The following INPP4B variants were observed in gnomAD, a reference collection of about 807,000 sequenced individuals.
INPP4B encodes the protein inositol polyphosphate-4-phosphatase type II B.
INPP4B carries 55 observed loss-of-function variants against 122.5 expected under a neutral mutation model. The ratio of observed to expected loss-of-function variants is 0.45; its 90% confidence interval spans 0.36 to 0.56. The LOEUF is 0.56. INPP4B is among the 20% of genes least tolerant of loss of function. The pLI, the probability that INPP4B is intolerant of heterozygous loss-of-function variation, is 0.00. For missense variants in INPP4B, 1,000 were observed against 1,097.7 expected (o/e 0.91, Z 1.26); for synonymous variants, 403 against 388.7 (o/e 1.04, Z -0.43).
intron 2 of INPP4B, among the ~76,000 whole-genome samples, chr4:142,614,512 G>A (rs1743277363): frequency 6.6e-6 from 1 of 151,952 alleles, no homozygotes; most frequent in African/African-American, 2.4e-5. Context: ...GTCCTCAAAA[G>A]GAAATGCAAC....
intron 21 of INPP4B, among the ~76,000 whole-genome samples, chr4:142,112,940 C>T (rs997997308): frequency 1.3e-5 from 2 of 152,074 alleles, no homozygotes; most frequent in Non-Finnish European, 2.9e-5. Context: ...CATTTTTGTA[C>T]ACCCAGGGTC....
intron 25 of INPP4B, among the ~76,000 whole-genome samples, chr4:142,037,294 C>G (rs532791593): frequency 6.6e-6 from 1 of 152,138 alleles, no homozygotes; most frequent in Non-Finnish European, 1.5e-5. Flanking sequence ...TATAATCCAA[C>G]GTGCATGATT....
intron 2 of INPP4B, among the ~76,000 whole-genome samples, chr4:142,512,814 T>C (rs1163254981): frequency 6.6e-6 from 1 of 152,178 alleles, no homozygotes; most frequent in Non-Finnish European, 1.5e-5. Flanking sequence ...TAGTTCCTGA[T>C]TATTTTACAT....
chr4:142,385,305 C>G (rs1167095193), intron 7 of INPP4B, among the ~76,000 whole-genome samples: 1 of 151,734 alleles, frequency 6.6e-6, no homozygotes, highest in Non-Finnish European at 1.5e-5. Context: ...GCCATTCTGA[C>G]TGGTGTGAGA....
At chr4:142,769,441 A>C (rs747493462) in intron 1 of INPP4B, among the ~76,000 whole-genome samples, 3 of 152,198 alleles carry the variant, frequency 2.0e-5, no homozygotes, top group South Asian at 2.1e-4. Context: ...ACTATAACTA[A>C]GCTACATGCA....
At chr4:142,737,536 C>T (rs1185407849) in intron 1 of INPP4B, among the ~76,000 whole-genome samples, 4 of 152,154 alleles carry the variant, frequency 2.6e-5, no homozygotes, top group African/African-American at 9.7e-5. Flanking sequence ...CAATACCATT[C>T]AGGACATAGG....
rs1737167333 is a variant in INPP4B, at chr4:142,026,862, A to G, written c.*1920T>C. 6.6e-6 allele frequency: 1 copy of G among 152,210 alleles called. No homozygotes were observed. Among genetic ancestry groups the G allele is most frequent in the Admixed American group, 6.5e-5 (1 of 15,272 alleles). The allele number at this position is 152,210 out of a possible 1,614,324, so 9.4% of individuals were successfully genotyped here. A position where few individuals can be genotyped will look rare whatever the true frequency, so the allele number is the denominator to read the frequency against. ...ACAAATAAAAATTATTGCTTATAAG[A>G]GTATTTACAGAATGATAAATTACTT... On this transcript the variant is annotated 3_prime_UTR_variant, in exon 26 of 26. Transcript: ENST00000262992.
chr4:142,039,104 ACT>A (rs1745741505), intron 25 of INPP4B, among the ~76,000 whole-genome samples: 1 of 152,152 alleles, frequency 6.6e-6, no homozygotes, highest in Non-Finnish European at 1.5e-5. Context: ...CTCTAAAATT[ACT>A]TTCATCTTTA....
In INPP4B at chr4:142,027,391, G is replaced by A. The variant is rs1737340402; in HGVS notation, c.*1391C>T. The stretch of plus-strand genomic sequence containing the variant: ...CTAAGAGAGGGCTTAAGAAGCCTCT[G>A]TTATTTTCAAGGGAGATTTATGCTT... On this transcript the variant is annotated 3_prime_UTR_variant, in exon 26 of 26. Transcript: ENST00000262992. The A allele has an allele frequency of 6.6e-6, 1 of 152,162 alleles. No individual in the cohort carries two copies. The highest frequency in any genetic ancestry group is 2.1e-4 in the South Asian group (1 of 4,834). The allele number at this position is 152,162 out of a possible 1,614,324, so 9.4% of individuals were successfully genotyped here. A position where few individuals can be genotyped will look rare whatever the true frequency, so the allele number is the denominator to read the frequency against.
At chr4:142,170,827 A>G (rs1825271784) in intron 16 of INPP4B, among the ~76,000 whole-genome samples, 1 of 151,720 alleles carries the variant, frequency 6.6e-6, no homozygotes, top group Admixed American at 6.6e-5. Flanking sequence ...TGACTGTCAA[A>G]TAGTATGAAT....
At chr4:142,333,163 CTGGT>C (rs1345943664) in intron 7 of INPP4B, among the ~76,000 whole-genome samples, 1 of 152,154 alleles carries the variant, frequency 6.6e-6, no homozygotes, top group African/African-American at 2.4e-5. Context: ...TGAGTCTTGT[CTGGT>C]TTAATTAGTT....
intron 12 of INPP4B, among the ~76,000 whole-genome samples, chr4:142,224,422 C>T (rs919632014): frequency 2.0e-5 from 3 of 151,978 alleles, no homozygotes; most frequent in African/African-American, 4.8e-5. Flanking sequence ...ATAAAATGAA[C>T]CATCATTTAA....
intron 10 of INPP4B, among the ~76,000 whole-genome samples, chr4:142,263,694 A>G (rs1248336580): frequency 8.1e-6 from 1 of 123,110 alleles, no homozygotes; most frequent in Non-Finnish European, 1.7e-5. Context: ...TTGAACAATG[A>G]CAAGTACTAA....
Position 142,208,812 on chromosome 4 carries a change from T to G in INPP4B, c.967+84A>C, listed in dbSNP as rs1561487672. 8.3e-6 allele frequency: 9 copies of G among 1,087,484 alleles called. No homozygotes were observed. In the East Asian group the frequency reaches 2.4e-4, roughly 29 times the overall value. 67.4% of individuals were successfully genotyped at this position (1,087,484 alleles called of 1,614,324 possible). On this transcript the variant is annotated intron_variant, in intron 13 of 25. Transcript: ENST00000262992. ...AAAATCTCCAGTTCTCCTATCTACA[T>G]AAAATCTATTTATTATTTTTTTTTT...
chr4:142,595,159 T>G (rs917865204), intron 2 of INPP4B, among the ~76,000 whole-genome samples: 5 of 152,108 alleles, frequency 3.3e-5, no homozygotes, highest in African/African-American at 1.2e-4. Context: ...TTACATAAAT[T>G]TGGTACATTA....
At chr4:142,558,768 C>G (rs1729776901) in intron 2 of INPP4B, among the ~76,000 whole-genome samples, 1 of 121,910 alleles carries the variant, frequency 8.2e-6, no homozygotes, top group East Asian at 2.3e-4. Flanking sequence ...GCACTACAGC[C>G]TGGGCGACAG....
chr4:142,098,043 G>C (rs1263243063), intron 23 of INPP4B, among the ~76,000 whole-genome samples: 1 of 152,170 alleles, frequency 6.6e-6, no homozygotes, highest in Non-Finnish European at 1.5e-5. Flanking sequence ...CAGCGGGCAA[G>C]AGATTGCAAT....
chr4:142,423,308 G>A (rs1335226989), intron 5 of INPP4B, among the ~76,000 whole-genome samples: 2 of 152,074 alleles, frequency 1.3e-5, no homozygotes, highest in African/African-American at 2.4e-5. Flanking sequence ...TGTAAATGCT[G>A]TGTCTGTAAA....
chr4:142,596,982 C>T (rs951794798), intron 2 of INPP4B, among the ~76,000 whole-genome samples: 24 of 152,184 alleles, frequency 1.6e-4, no homozygotes, highest in African/African-American at 4.8e-4. Context: ...TCTTTTCCTG[C>T]CTAGGCTCCA....
Sources: gnomAD v4.1 joint callset for allele counts (sites outside exome capture counted in the v4.1 genomes callset) on GRCh38, gnomAD v4.1.1 for gene constraint, MANE v1.5 for transcripts, NCBI Gene and HGNC (gene_info 2026-07-23, HGNC 2026-07-21) for gene names.